DNAH3: variants seen among roughly 807,000 people sequenced by gnomAD.
DNAH3 encodes axonemal beta dynein heavy chain 3.
DNAH3 carries 332 observed loss-of-function variants against 432.5 expected under a neutral mutation model. That is an observed-to-expected ratio of 0.77 (90% confidence interval 0.70 to 0.84). The LOEUF is 0.84. Among genes scored for constraint, DNAH3 ranks in the 40% least tolerant of loss-of-function variants. The pLI is 0.00. For synonymous variants in DNAH3, 1,956 were observed against 1,900.2 expected, an observed-to-expected ratio of 1.03 and a Z score of -0.76; for missense variants, 4,861 against 5,114.0, an observed-to-expected ratio of 0.95 and a Z score of 1.51.
chr16:20,946,206 C>T (rs1204115147), intron 57 of DNAH3, among the ~76,000 whole-genome samples: 1 of 152,186 alleles, frequency 6.6e-6, no homozygotes, highest in African/African-American at 2.4e-5. Flanking sequence ...AGCCTGCTGC[C>T]TGGAGGTTTC....
chr16:21,101,408 A>G (rs1043535335), intron 16 of DNAH3, among the ~76,000 whole-genome samples: 1 of 152,176 alleles, frequency 6.6e-6, no homozygotes, highest in African/African-American at 2.4e-5. Context: ...ATATAAATAA[A>G]TTCCTATATA....
At position 20,936,684 on chromosome 16, in the gene DNAH3, C is replaced by T. The variant is rs747004639; in HGVS notation, c.11824G>A (p.Val3942Met). ...GTCAGGCGGGCCAGCAGGTCAGCCA[C>T]GTAGCCCCCCAGAGGCTTCAGTGAT... The change falls in exon 60 of 62, where the codon GTG becomes ATG. Residue 3942 changes from valine to methionine, a missense_variant. Transcript: ENST00000261383. The T allele has an allele frequency of 1.2e-5, 19 of 1,605,328 alleles. No individual in the cohort carries two copies. The highest frequency in any genetic ancestry group is 1.6e-5 in the Non-Finnish European group (19 of 1,176,044).
chr16:21,145,916 G>T, intron 2 of DNAH3, 68 bp downstream of exon 3: 1 of 1,007,296 alleles, frequency 9.9e-7, no homozygotes. Context: ...GCCAAATACG[G>T]AGAGAAGTGG....
At chr16:21,029,235 A>G (rs1567664435) in intron 37 of DNAH3, among the ~76,000 whole-genome samples, 1 of 152,246 alleles carries the variant, frequency 6.6e-6, no homozygotes, top group Non-Finnish European at 1.5e-5. Flanking sequence ...AAAATTATGC[A>G]CATGCTATAA....
chr16:21,079,197 T>C (rs1056232289), intron 20 of DNAH3, among the ~76,000 whole-genome samples: 10 of 152,232 alleles, frequency 6.6e-5, no homozygotes, highest in Non-Finnish European at 1.3e-4. Context: ...CTTGATTCTT[T>C]CCTAAGTGAA....
chr16:21,027,096 A>C (rs1481754943), exon 38 of DNAH3: 1 of 1,613,830 alleles, frequency 6.2e-7, no homozygotes, highest in Admixed American at 1.7e-5. Flanking sequence ...CTTGGAGTTC[A>C]TCTGGATAAT....
intron 5 of DNAH3, among the ~76,000 whole-genome samples, chr16:21,136,959 C>T (rs1342157484): frequency 2.0e-5 from 3 of 151,864 alleles, no homozygotes; most frequent in Non-Finnish European, 4.4e-5. Context: ...ATGGTGAAAC[C>T]CCATCTCTAC....
At chr16:21,064,105 G>A (rs1026683524) in intron 24 of DNAH3, among the ~76,000 whole-genome samples, 7 of 152,188 alleles carry the variant, frequency 4.6e-5, no homozygotes, top group Admixed American at 2.0e-4. Flanking sequence ...CTGGCTCTGT[G>A]TCTTGCTTTG....
Position 21,139,365 on chromosome 16 carries a change from C to T in DNAH3, c.696+1171G>A, listed in dbSNP as rs186850462. Among the ~76,000 whole-genome samples, 348 of 80,252 alleles carry T rather than the reference C, an allele frequency of 4.3e-3. 2 individuals carry two copies. In the Middle Eastern group the frequency reaches 0.044, roughly 10 times the overall value. 52.6% of individuals were successfully genotyped at this position (80,252 alleles called of 152,430 possible). Reference sequence around the variant, plus strand: ...TTTTTTTTTTTGAGATATGGTCTTGCTCTGTTGCCCAGGCTGGAGTGCAGT... The same window carrying T: ...TTTTTTTTTTTGAGATATGGTCTTGTTCTGTTGCCCAGGCTGGAGTGCAGT... On this transcript the variant is annotated intron_variant, in intron 5 of 61. Coordinates refer to ENST00000261383, the Ensembl canonical transcript of DNAH3.
intron 33 of DNAH3, among the ~76,000 whole-genome samples, chr16:21,038,796 C>T (rs2089291261): frequency 6.6e-6 from 1 of 152,126 alleles, no homozygotes; most frequent in African/African-American, 2.4e-5. Flanking sequence ...CAAATCAATG[C>T]AATCCTGGTT....
intron 18 of DNAH3, among the ~76,000 whole-genome samples, chr16:21,094,129 G>A (rs1251338631): frequency 6.6e-6 from 1 of 152,014 alleles, no homozygotes; most frequent in Non-Finnish European, 1.5e-5. Context: ...AACAAGCCAT[G>A]GACTTGGAGA....
chr16:21,121,808 T>C, intron 10 of DNAH3, 137 bp downstream of exon 11: 1 of 602,194 alleles, frequency 1.7e-6, no homozygotes, highest in Non-Finnish European at 2.8e-6. Flanking sequence ...GTCAAGGGGT[T>C]ATATTCAGGA....
Position 20,963,260 on chromosome 16 carries a change from T to G in DNAH3, c.10600+24A>C, listed in dbSNP as rs543847521. ...CCACACATACTGGGCTTTCCACGTC[T>G]CTCCCACAACACTCTGTTCTTACCT... On this transcript the variant is annotated intron_variant, in intron 53 of 61. Coordinates refer to ENST00000261383, the Ensembl canonical transcript of DNAH3. The G allele has an allele frequency of 1.9e-5, 31 of 1,601,556 alleles. No individual in the cohort carries two copies. The Middle Eastern group carries it at 8.0e-4, about 41-fold the overall frequency.
intron 18 of DNAH3, among the ~76,000 whole-genome samples, chr16:21,088,940 T>A (rs1348205173): frequency 6.6e-6 from 1 of 152,014 alleles, no homozygotes; most frequent in African/African-American, 2.4e-5. Flanking sequence ...CTATTCTAAC[T>A]CCCCACTAAA....
At position 21,098,738 on chromosome 16, in the gene DNAH3, A is replaced by G. The variant is rs774472120; in HGVS notation, c.2398T>C (p.Tyr800His). ...CTAAAACTTTCCAGTTCTCTGTGGTAGCCCTCAAGTCTCAACTCAAATTCT... is the reference window on the plus strand; with the variant it reads ...CTAAAACTTTCCAGTTCTCTGTGGTGGCCCTCAAGTCTCAACTCAAATTCT... The change falls in exon 17 of 62, where the codon TAC becomes CAC. Residue 800 changes from tyrosine to histidine, a missense_variant. Physicochemically the swap from Tyr to His is moderately conservative, Grantham distance 83 (BLOSUM62 2). Coordinates refer to ENST00000261383, the Ensembl canonical transcript of DNAH3. The G allele has an allele frequency of 4.3e-6, 7 of 1,613,050 alleles. No homozygotes were observed. The South Asian group carries it at 7.7e-5, about 18-fold the overall frequency.
intron 15 of DNAH3, among the ~76,000 whole-genome samples, chr16:21,105,937 C>CT (rs2091934519): frequency 6.6e-6 from 1 of 151,382 alleles, no homozygotes; most frequent in Non-Finnish European, 1.5e-5. Flanking sequence ...AATCCCAGCA[C>CT]TTGGGAGGCT....
At chr16:21,102,602 G>T (rs768720375) in intron 16 of DNAH3, among the ~76,000 whole-genome samples, 2 of 152,154 alleles carry the variant, frequency 1.3e-5, no homozygotes, top group Non-Finnish European at 2.9e-5. Flanking sequence ...GTCTCAAAAA[G>T]ATGAGCCTTC....
intron 59 of DNAH3, among the ~76,000 whole-genome samples, chr16:20,939,859 T>C (rs2083739419): frequency 6.6e-6 from 1 of 152,216 alleles, no homozygotes; most frequent in East Asian, 1.9e-4. Context: ...CAAATCACAG[T>C]CATCTCTGGA....
At chr16:20,998,179 C>A (rs904662391) in intron 43 of DNAH3, among the ~76,000 whole-genome samples, 7 of 152,132 alleles carry the variant, frequency 4.6e-5, no homozygotes, top group Non-Finnish European at 1.0e-4. Flanking sequence ...TTAATTTGAC[C>A]AGCAGGTAAT....
Sources: allele counts gnomAD v4.1 joint callset (sites outside exome capture counted in the v4.1 genomes callset), GRCh38; gene constraint gnomAD v4.1.1; transcripts MANE v1.5; gene names NCBI Gene and HGNC (gene_info 2026-07-23, HGNC 2026-07-21).